The following ASCC2 variants were observed in gnomAD, a reference collection of about 807,000 sequenced individuals.
The protein encoded by ASCC2 is ASC-1 complex subunit P100.
A neutral mutation model predicts 93.5 loss-of-function variants in ASCC2; 42 were observed. That is an observed-to-expected ratio of 0.45 (90% confidence interval 0.35 to 0.58). The LOEUF (loss-of-function observed/expected upper bound fraction) is 0.58, where lower values mean the gene tolerates loss of function less well. Among genes scored for constraint, ASCC2 ranks in the 20% least tolerant of loss-of-function variants. The pLI is 0.00. For synonymous variants in ASCC2, 364 were observed against 384.2 expected, an observed-to-expected ratio of 0.95 and a Z score of 0.62; for missense variants, 859 against 977.6, an observed-to-expected ratio of 0.88 and a Z score of 1.62.
intron 5 of ASCC2, among the ~76,000 whole-genome samples, chr22:29,818,658 G>C (rs938246919): frequency 6.6e-6 from 1 of 152,064 alleles, no homozygotes; most frequent in African/African-American, 2.4e-5. Flanking sequence ...GTTTTCATCT[G>C]ATTCTCAAAG....
chr22:29,789,644 G>T (rs1438892703), intron 19 of ASCC2, among the ~76,000 whole-genome samples: 1 of 152,194 alleles, frequency 6.6e-6, no homozygotes, highest in African/African-American at 2.4e-5. Context: ...ACTGGGATTT[G>T]CCAGAGCTCC....
At chr22:29,806,718 C>G (rs1015387483) in intron 10 of ASCC2, 79 bp downstream of exon 10, 8 of 1,470,270 alleles carry the variant, frequency 5.4e-6, no homozygotes, top group Non-Finnish European at 6.6e-6. Context: ...TGGAGGAAGC[C>G]AAGATGAAAT....
intron 13 of ASCC2, among the ~76,000 whole-genome samples, chr22:29,803,248 T>C: frequency 1.6e-5 from 1 of 64,244 alleles, no homozygotes; most frequent in East Asian, 7.4e-4. Flanking sequence ...TAAAACTCCA[T>C]CTCCAAAAAA....
intron 1 of ASCC2, among the ~76,000 whole-genome samples, chr22:29,833,386 G>A (rs1389076587): frequency 2.0e-5 from 3 of 152,202 alleles, no homozygotes; most frequent in Admixed American, 1.3e-4. Context: ...AGGCTTCAGG[G>A]AAGAAGTACG....
chr22:29,807,995 G>T, intron 9 of ASCC2, 116 bp downstream of exon 9: 2 of 999,168 alleles, frequency 2.0e-6, no homozygotes, highest in Non-Finnish European at 3.1e-6. Context: ...AAGCTGCACA[G>T]TCCCTGGTCC....
intron 5 of ASCC2, chr22:29,821,883 C>T (rs1317125944): frequency 7.0e-6 from 3 of 426,118 alleles, no homozygotes; most frequent in Admixed American, 5.8e-5. Context: ...CCTGTAGTCC[C>T]AGGTACCTGG....
At chr22:29,833,884 T>TC (rs1221994973) in intron 1 of ASCC2, among the ~76,000 whole-genome samples, 4 of 151,300 alleles carry the variant, frequency 2.6e-5, no homozygotes, top group Non-Finnish European at 5.9e-5. Flanking sequence ...TTTTTCTTTT[T>TC]TTTTTTTTTT....
intron 1 of ASCC2, among the ~76,000 whole-genome samples, chr22:29,835,576 G>A (rs569041622): frequency 1.8e-4 from 28 of 152,252 alleles, no homozygotes; most frequent in African/African-American, 6.5e-4. Flanking sequence ...GAGACCTTGA[G>A]ACAGTTCCCT....
Position 29,825,172 on chromosome 22 carries a change from G to A in ASCC2, c.326C>T (p.Ala109Val), listed in dbSNP as rs950713801. 2 of 1,565,502 alleles carry A rather than the reference G, an allele frequency of 1.3e-6. No homozygotes were observed. Among genetic ancestry groups the A allele is most frequent in the South Asian group, 1.2e-5 (1 of 85,010 alleles). Residue 109 changes from alanine to valine, a missense_variant, in exon 4 of 20, where the codon GCC becomes GTC. Physicochemically the swap from Ala to Val is moderately conservative, Grantham distance 64 (BLOSUM62 0). Coordinates refer to ENST00000307790, the MANE Select transcript of ASCC2 (RefSeq NM_032204.5). The surrounding 1 kb of genome is among the most constrained non-coding windows in gnomAD (Gnocchi z 4.9). ...CTTCTGCATGTCAACAACCTCAGGG[G>A]CTGAGGCCACCCCCTCGTCGAATTT... is the stretch of plus-strand genomic sequence containing the variant. Reference protein sequence around the residue: ...PRKFDEGVASAPEVVDMQKRL... With the variant: ...PRKFDEGVASVPEVVDMQKRL...
intron 13 of ASCC2, 114 bp from the exon 14 acceptor site, chr22:29,802,322 A>G: frequency 6.0e-6 from 6 of 1,006,786 alleles, no homozygotes; most frequent in Non-Finnish European, 8.7e-6. Flanking sequence ...TCCTGGGATT[A>G]CCCCTCCTGC....
At chr22:29,790,618 C>G in intron 18 of ASCC2, 70 bp from the exon 19 acceptor site, 1 of 1,493,524 alleles carries the variant, frequency 6.7e-7, no homozygotes, top group Non-Finnish European at 9.3e-7. Flanking sequence ...CGATGAGGCC[C>G]TGCTCAAGTG....
chr22:29,835,786 T>A (rs556273535), intron 1 of ASCC2, among the ~76,000 whole-genome samples: 1 of 152,360 alleles, frequency 6.6e-6, no homozygotes, highest in African/African-American at 2.4e-5. Flanking sequence ...CCTGGTTTAT[T>A]CAGCAAACAA....
At chr22:29,831,484 C>G (rs1409799664) in intron 2 of ASCC2, among the ~76,000 whole-genome samples, 1 of 152,158 alleles carries the variant, frequency 6.6e-6, no homozygotes, top group Non-Finnish European at 1.5e-5. Context: ...ATGTCAGGTA[C>G]TATTATTAGA....
intron 18 of ASCC2, among the ~76,000 whole-genome samples, chr22:29,790,990 C>G (rs1439729498): frequency 2.6e-5 from 4 of 152,144 alleles, no homozygotes; most frequent in Non-Finnish European, 5.9e-5. Context: ...TGGGAGTGCC[C>G]ACTCTCAAGG....
chr22:29,817,961 A>C (rs2061059012), intron 5 of ASCC2, among the ~76,000 whole-genome samples: 1 of 152,172 alleles, frequency 6.6e-6, no homozygotes, highest in Non-Finnish European at 1.5e-5. Context: ...TTTGCAAAGC[A>C]GTGTCAAGAG....
intron 8 of ASCC2, among the ~76,000 whole-genome samples, chr22:29,812,191 G>A (rs2060346727): frequency 6.6e-6 from 1 of 152,232 alleles, no homozygotes; most frequent in Non-Finnish European, 1.5e-5. Context: ...GTAAATGACA[G>A]AATGGACAGG....
chr22:29,838,126 C>T (rs752030148), intron 1 of ASCC2, 52 bp downstream of exon 1: 1 of 459,148 alleles, frequency 2.2e-6, no homozygotes, highest in Non-Finnish European at 4.4e-6. Flanking sequence ...ATAGCCGCGG[C>T]TCCTCCGGGG....
At position 29,802,036 on chromosome 22, in the gene ASCC2, C is replaced by T. The variant is rs4823054; in HGVS notation, c.1526G>A (p.Arg509Gln). ...CAGCTGGCTGAGGGTGGGGGCCAGC[C>T]GCTCCTCCAGGATATTGTTGATCAC... is the stretch of plus-strand genomic sequence containing the variant. ...EQVINNILEE[R>Q]LAPTLSQLDR... The change falls in exon 14 of 20, where the codon CGG becomes CAG. Residue 509 changes from arginine to glutamine, a missense_variant. Transcript: ENST00000307790. 98,219 of 1,610,862 alleles carry T rather than the reference C, an allele frequency of 0.061. 5,861 individuals carry two copies. Among genetic ancestry groups the T allele is most frequent in the South Asian group, 0.25 (22,440 of 90,434 alleles).
intron 1 of ASCC2, chr22:29,834,683 ACAACAACCCAATTAAG>A: frequency 2.6e-6 from 1 of 388,808 alleles, no homozygotes; most frequent in South Asian, 1.9e-5. Context: ...CTAGCCTCTC[ACAACAACCCAATTAAG>A]GACAACAAGG....
Sources: gnomAD v4.1 joint callset for allele counts (sites outside exome capture counted in the v4.1 genomes callset) on GRCh38, gnomAD v4.1.1 for gene constraint, Gnocchi (gnomAD v3.1) non-coding constraint, MANE v1.5 for transcripts, NCBI Gene and HGNC (gene_info 2026-07-23, HGNC 2026-07-21) for gene names.